The following FYTTD1 variants were observed in gnomAD, a reference collection of about 807,000 sequenced individuals.
FYTTD1 encodes forty-two-three domain containing 1.
Under a neutral mutation model 40.9 loss-of-function variants are expected in FYTTD1, and 22 were observed. The ratio of observed to expected loss-of-function variants is 0.54; its 90% confidence interval spans 0.38 to 0.77. The LOEUF is 0.77. Among genes scored for constraint, FYTTD1 ranks in the 30% least tolerant of loss-of-function variants. The pLI is 0.00. For synonymous variants in FYTTD1, 140 were observed against 137.9 expected (o/e 1.01, Z -0.10); for missense variants, 351 against 392.2 (o/e 0.90, Z 0.89).
chr3:197,776,258 C>T (rs1055505419), intron 6 of FYTTD1, among the ~76,000 whole-genome samples: 3 of 147,626 alleles, frequency 2.0e-5, no homozygotes, highest in African/African-American at 5.0e-5. Flanking sequence ...CAGGCTGGAG[C>T]GCAGTGGCAC....
chr3:197,766,430 G>GGTTGT (rs1553909118), intron 2 of FYTTD1, among the ~76,000 whole-genome samples: 112 of 135,072 alleles, frequency 8.3e-4, no homozygotes, highest in Non-Finnish European at 1.5e-3. Context: ...GTTTGAGACT[G>GGTTGT]GTGTGTGTGT....
At chr3:197,781,765 G>A in intron 8 of FYTTD1, 46 bp from the exon 9 acceptor site, 1 of 1,378,180 alleles carries the variant, frequency 7.3e-7, no homozygotes, top group Non-Finnish European at 1.0e-6. Flanking sequence ...CAGTAAAGTT[G>A]TTAATTGTTG....
At chr3:197,753,875 G>A (rs995758294) in intron 1 of FYTTD1, among the ~76,000 whole-genome samples, 6 of 151,540 alleles carry the variant, frequency 4.0e-5, no homozygotes, top group Non-Finnish European at 7.4e-5. Context: ...AAGTAGCTGG[G>A]ACTACAGGCG....
At chr3:197,761,523 ATG>A (rs1360639862) in intron 2 of FYTTD1, among the ~76,000 whole-genome samples, 10 of 152,114 alleles carry the variant, frequency 6.6e-5, no homozygotes, top group Admixed American at 5.2e-4. Flanking sequence ...CAGTGGTAGA[ATG>A]TGTAGAGTTG....
At chr3:197,781,529 A>T (rs1167549013) in intron 8 of FYTTD1, among the ~76,000 whole-genome samples, 3 of 152,188 alleles carry the variant, frequency 2.0e-5, no homozygotes, top group Non-Finnish European at 2.9e-5. Context: ...TCTTACTTTT[A>T]TCAGTGACAT....
Position 197,785,815 on chromosome 3 carries a change from T to C in FYTTD1, c.*3906T>C, listed in dbSNP as rs1381752482. On this transcript the variant is annotated 3_prime_UTR_variant, in exon 9 of 9. Coordinates refer to ENST00000241502, the MANE Select transcript of FYTTD1 (RefSeq NM_032288.7). ...ATAATTCATTTCTGATCAGTAGTGC[T>C]TTCAGTTTTCATCAGAATTATTATT... The C allele has an allele frequency of 6.6e-6, 1 of 152,074 alleles. No homozygotes were observed. Among genetic ancestry groups the C allele is most frequent in the East Asian group, 1.9e-4 (1 of 5,198 alleles). The allele number at this position is 152,074 out of a possible 1,614,324, so 9.4% of individuals were successfully genotyped here.
intron 3 of FYTTD1, among the ~76,000 whole-genome samples, 197 bp from the exon 4 acceptor site, chr3:197,769,935 A>G (rs1466123210): frequency 2.0e-5 from 3 of 152,076 alleles, no homozygotes; most frequent in Non-Finnish European, 4.4e-5. Context: ...TACCTCACAT[A>G]TTTTAAATAT....
At chr3:197,755,343 A>G (rs967746104) in intron 1 of FYTTD1, among the ~76,000 whole-genome samples, 2 of 152,176 alleles carry the variant, frequency 1.3e-5, no homozygotes, top group African/African-American at 4.8e-5. Flanking sequence ...TATTTGTTGC[A>G]TGTAGTATAT....
intron 8 of FYTTD1, among the ~76,000 whole-genome samples, chr3:197,780,164 T>A (rs1729991516): frequency 6.8e-6 from 1 of 147,978 alleles, no homozygotes; most frequent in Non-Finnish European, 1.5e-5. Context: ...CACCCACACC[T>A]GGGGATACAG....
chr3:197,773,481 T>G lies in FYTTD1; in HGVS notation c.576T>G (p.Leu192=). ...HQKDTRQATF[L]FRRGLKVQAQ... is the part of the protein sequence containing the mutation. Reference sequence around the variant, plus strand: ...AAGATACTCGTCAGGCAACTTTTCTTTTCAGAAGAGGCCTGAAGGTATTTA... The same window carrying G: ...AAGATACTCGTCAGGCAACTTTTCTGTTCAGAAGAGGCCTGAAGGTATTTA... Residue 192 remains leucine (L), a synonymous_variant, in exon 5 of 9, where the codon CTT becomes CTG. Coordinates refer to ENST00000241502, the MANE Select transcript of FYTTD1 (RefSeq NM_032288.7). 6.3e-7 allele frequency: 1 copy of G among 1,590,864 alleles called. No homozygotes were observed. Among genetic ancestry groups the G allele is most frequent in the African/African-American group, 1.3e-5 (1 of 74,700 alleles).
At position 197,773,461 on chromosome 3, in the gene FYTTD1, A is replaced by G; in HGVS notation, c.556A>G (p.Thr186Ala). ...SGNKLNHQKD[T>A]RQATFLFRRG... is the part of the protein sequence containing the mutation. ...AAATAAATTAAATCATCAGAAAGAT[A>G]CTCGTCAGGCAACTTTTCTTTTCAG... Residue 186 changes from threonine to alanine, a missense_variant, in exon 5 of 9, where the codon ACT (threonine) becomes GCT (alanine). By Grantham distance (58) the Thr-to-Ala change is moderately conservative. Coordinates refer to ENST00000241502, the MANE Select transcript of FYTTD1 (RefSeq NM_032288.7). The G allele has an allele frequency of 6.2e-7, 1 of 1,602,152 alleles. No individual in the cohort carries two copies. The highest frequency in any genetic ancestry group is 1.7e-5 in the Admixed American group (1 of 59,232).
chr3:197,774,280 G>A (rs1162174432), intron 6 of FYTTD1, 70 bp downstream of exon 6: 9 of 1,246,292 alleles, frequency 7.2e-6, no homozygotes, highest in South Asian at 6.0e-5. Context: ...AAATTATCAT[G>A]TACCTCAGTC....
intron 2 of FYTTD1, among the ~76,000 whole-genome samples, chr3:197,768,050 C>T (rs1729603032): frequency 6.6e-6 from 1 of 152,156 alleles, no homozygotes; most frequent in South Asian, 2.1e-4. Context: ...ATAAAATCAT[C>T]AGTGAAATAT....
intron 8 of FYTTD1, among the ~76,000 whole-genome samples, chr3:197,779,834 G>A (rs1729977057): frequency 7.0e-6 from 1 of 141,924 alleles, no homozygotes; most frequent in African/African-American, 2.7e-5. Context: ...CACCATACCT[G>A]GGGATGCAGG....
Position 197,757,636 on chromosome 3 carries a change from G to C in FYTTD1, c.235+1079G>C, listed in dbSNP as rs145555601. Among the ~76,000 whole-genome samples the C allele has an allele frequency of 1.8e-4, 27 of 152,152 alleles. 1 individual carries two copies. The highest frequency in any genetic ancestry group is 5.6e-4 in the African/African-American group (23 of 41,440). On this transcript the variant is annotated intron_variant, in intron 2 of 8. Transcript: ENST00000241502. The stretch of plus-strand genomic sequence containing the variant: ...CAAAAAATTTAAAAATTAGCCAGGC[G>C]TGGTGGTACCTCTTTCTGGTCCCAG...
At chr3:197,780,112 G>T (rs1729989548) in intron 8 of FYTTD1, among the ~76,000 whole-genome samples, 1 of 143,082 alleles carries the variant, frequency 7.0e-6, no homozygotes, top group Non-Finnish European at 1.5e-5. Flanking sequence ...CACACCTGGG[G>T]ATATAGGCAC....
At chr3:197,781,776 C>A in intron 8 of FYTTD1, 35 bp from the exon 9 acceptor site, 2 of 1,480,380 alleles carry the variant, frequency 1.4e-6, no homozygotes, top group Non-Finnish European at 1.9e-6. Flanking sequence ...TTAATTGTTG[C>A]TTTGTTGTTG....
intron 8 of FYTTD1, among the ~76,000 whole-genome samples, chr3:197,779,465 G>A (rs1417225698): frequency 6.8e-6 from 1 of 147,640 alleles, no homozygotes; most frequent in African/African-American, 2.5e-5. Context: ...ACCATATTAA[G>A]CTTGTATCCT....
At position 197,751,109 on chromosome 3, in the gene FYTTD1, C is replaced by G. The variant is rs367626744; in HGVS notation, c.103+1035C>G. Among the ~76,000 whole-genome samples, 474 of 152,282 alleles carry G rather than the reference C, an allele frequency of 3.1e-3. 1 individual carries two copies. The highest frequency in any genetic ancestry group is 0.011 in the African/African-American group (452 of 41,558). On this transcript the variant is annotated intron_variant, in intron 1 of 8. Coordinates refer to ENST00000241502, the MANE Select transcript of FYTTD1 (RefSeq NM_032288.7). ...GAGGCGTACCCTTTCCCAGGACGGT[C>G]TTTAGAGTGATAACTGTCTTGGAAA...
Sources: allele counts gnomAD v4.1 joint callset (sites outside exome capture counted in the v4.1 genomes callset), GRCh38; gene constraint gnomAD v4.1.1; transcripts MANE v1.5; gene names NCBI Gene and HGNC (gene_info 2026-07-23, HGNC 2026-07-21).